The following ZNF550 variants were observed in gnomAD, a reference collection of about 807,000 sequenced individuals.
The protein encoded by ZNF550 is zinc finger protein 550.
In ZNF550, 42 loss-of-function variants were observed where a neutral mutation model predicts 40.2. That is an observed-to-expected ratio of 1.05 (90% confidence interval 0.82 to 1.35). The LOEUF (loss-of-function observed/expected upper bound fraction) is 1.35. Among genes scored for constraint, ZNF550 ranks in the 40% most tolerant of loss-of-function variants. The pLI is 0.00. For missense variants in ZNF550, 549 were observed against 525.2 expected (o/e 1.05, Z -0.44); for synonymous variants, 223 against 198.6 (o/e 1.12, Z -1.03).
At chr19:57,543,678 G>A in intron 4 of ZNF550, 4 of 977,294 alleles carry the variant, frequency 4.1e-6, no homozygotes, top group Non-Finnish European at 4.9e-6. Flanking sequence ...GCTCACGCCT[G>A]TAATCGCAGC....
At chr19:57,553,428 T>C (rs1331668885) in intron 2 of ZNF550, 1 of 152,254 alleles carries the variant, frequency 6.6e-6, no homozygotes, top group African/African-American at 2.4e-5. Flanking sequence ...TCTTTCTTTC[T>C]TTCTTTCTTT....
chr19:57,543,094 T>C, exon 5 of ZNF550: 2 of 276,748 alleles, frequency 7.2e-6, no homozygotes, highest in Non-Finnish European at 1.1e-5. Flanking sequence ...GATCACTCTG[T>C]TGTTCACATT....
chr19:57,552,679 A>G (rs1182052807), exon 3 of ZNF550: 5 of 1,598,460 alleles, frequency 3.1e-6, no homozygotes, highest in Non-Finnish European at 3.4e-6. Flanking sequence ...GCTCCTGCCC[A>G]TGCTCTAGCA....
intron 4 of ZNF550, among the ~76,000 whole-genome samples, chr19:57,544,786 A>G (rs1015124566): frequency 6.6e-6 from 1 of 152,244 alleles, no homozygotes; most frequent in Non-Finnish European, 1.5e-5. Flanking sequence ...TATCTCATGT[A>G]GCTTGAAAAC....
intron 2 of ZNF550, 121 bp downstream of exon 2, chr19:57,556,110 G>T: frequency 7.6e-7 from 1 of 1,322,546 alleles, no homozygotes. Flanking sequence ...AGGGAGACCA[G>T]TCAGGAAGAG....
chr19:57,558,219 A>T (rs1350721778), intron 1 of ZNF550, among the ~76,000 whole-genome samples: 2 of 152,196 alleles, frequency 1.3e-5, no homozygotes, highest in Non-Finnish European at 2.9e-5. Context: ...CCCCGCAGAG[A>T]CCTGAGAACA....
chr19:57,545,195 A>G (rs2089997736), intron 4 of ZNF550, among the ~76,000 whole-genome samples: 1 of 152,172 alleles, frequency 6.6e-6, no homozygotes, highest in African/African-American at 2.4e-5. Context: ...TAACTATGAA[A>G]CTCACGTAAA....
chr19:57,547,085 T>C, exon 4 of ZNF550: 1 of 1,613,518 alleles, frequency 6.2e-7, no homozygotes, highest in African/African-American at 1.3e-5. Flanking sequence ...GAGTGCTGAA[T>C]GAGGTACGTG....
chr19:57,546,850 A>G, exon 4 of ZNF550: 2 of 1,424,946 alleles, frequency 1.4e-6, no homozygotes, highest in South Asian at 3.3e-5. Context: ...TGACAAAAAA[A>G]ATGAAAAGTT....
At chr19:57,551,168 G>T (rs2090069688) in intron 3 of ZNF550, among the ~76,000 whole-genome samples, 1 of 152,160 alleles carries the variant, frequency 6.6e-6, no homozygotes, top group Admixed American at 6.5e-5. Flanking sequence ...CTCCTCCATA[G>T]AGGACAAGAG....
At position 57,554,631 on chromosome 19, in the gene ZNF550, G is replaced by A. The variant is rs2090103609; in HGVS notation, c.154+1600C>T. 1 of 152,282 alleles carries A rather than the reference G, an allele frequency of 6.6e-6. No individual in the cohort carries two copies. The highest frequency in any genetic ancestry group is 1.5e-5 in the Non-Finnish European group (1 of 68,112). The allele number at this position is 152,282 out of a possible 1,614,324, so 9.4% of individuals were successfully genotyped here. A position where few individuals can be genotyped will look rare whatever the true frequency, so the allele number is the denominator to read the frequency against. ...AGAAGACCAATGACTGAGGTACAAG[G>A]ATCCACAGAAACATCGACTGGCAGA... On this transcript the variant is annotated intron_variant, in intron 2 of 4. Transcript: ENST00000457177. This position sits in a 1 kb window ranked among gnomAD's most constrained non-coding sequence, Gnocchi z 4.5.
chr19:57,559,592 T>A, intron 1 of ZNF550, 64 bp downstream of exon 1: 2 of 1,413,712 alleles, frequency 1.4e-6, no homozygotes, highest in Non-Finnish European at 1.9e-6. Context: ...ACGCCGTCCT[T>A]CCGCTCGTCG....
upstream of ZNF550, among the ~76,000 whole-genome samples, chr19:57,560,314 C>G (rs1419215319): frequency 2.0e-5 from 3 of 152,194 alleles, no homozygotes; most frequent in Non-Finnish European, 2.9e-5. Context: ...ATTCCCGGGA[C>G]ATGCTCGTGG....
At chr19:57,547,260 G>A (rs2090022473) in exon 4 of ZNF550, 2 of 1,613,774 alleles carry the variant, frequency 1.2e-6, no homozygotes, top group Non-Finnish European at 1.7e-6. Flanking sequence ...GAATTAGGTG[G>A]GCTCTATTGC....
chr19:57,544,367 A>G, intron 4 of ZNF550: 1 of 985,484 alleles, frequency 1.0e-6, no homozygotes, highest in Non-Finnish European at 1.2e-6. Context: ...GCTTTGGGAC[A>G]AACTGGGGCC....
In ZNF550 at chr19:57,544,103, TAGAC is replaced by T. The variant is rs1358296969; in HGVS notation, c.*519-864_*519-861del. On this transcript the variant is annotated intron_variant, in intron 4 of 4. Transcript: ENST00000457177. ...CTGTTCTCATGTGTTTTTCCTATAT[TAGAC>T]AGTAAGTTCCTTCCCTGCTCAAGGG... is the stretch of plus-strand genomic sequence containing the variant. The T allele has an allele frequency of 8.1e-6, 8 of 985,320 alleles. No homozygotes were observed. The South Asian group carries it at 1.4e-4, about 17-fold the overall frequency. The allele number at this position is 985,320 out of a possible 1,614,324, so 61.0% of individuals were successfully genotyped here. A position where few individuals can be genotyped will look rare whatever the true frequency, so the allele number is the denominator to read the frequency against.
At chr19:57,543,794 C>T (rs940808767) in intron 4 of ZNF550, 1 of 402,834 alleles carries the variant, frequency 2.5e-6, no homozygotes, top group Non-Finnish European at 3.4e-6. Flanking sequence ...AAAAACTAGC[C>T]GGGCATGGTG....
At chr19:57,547,152 A>G in exon 4 of ZNF550, 3 of 1,611,302 alleles carry the variant, frequency 1.9e-6, no homozygotes, top group Non-Finnish European at 2.5e-6. Context: ...CCCCAGTGTG[A>G]ATCCGCTGGT....
chr19:57,551,268 TC>T (rs2090070523), intron 3 of ZNF550, among the ~76,000 whole-genome samples: 1 of 152,076 alleles, frequency 6.6e-6, no homozygotes, highest in South Asian at 2.1e-4. Flanking sequence ...TACTGAAACA[TC>T]AGCTGCTGGG....
Sources: gnomAD v4.1 joint callset for allele counts (sites outside exome capture counted in the v4.1 genomes callset) on GRCh38, gnomAD v4.1.1 for gene constraint, Gnocchi (gnomAD v3.1) non-coding constraint, MANE v1.5 for transcripts, NCBI Gene and HGNC (gene_info 2026-07-23, HGNC 2026-07-21) for gene names.